The following NPFFR1 variants were observed in gnomAD, a reference collection of about 807,000 sequenced individuals.
The protein encoded by NPFFR1 is neuropeptide FF receptor 1.
Under a neutral mutation model 12.7 loss-of-function variants are expected in NPFFR1, and 17 were observed. The observed-to-expected ratio is 1.34, with a 90% confidence interval of 0.92 to 2.01. The LOEUF (loss-of-function observed/expected upper bound fraction) is 2.01, where lower values mean the gene tolerates loss of function less well. Among genes scored for constraint, NPFFR1 ranks in the 30% most tolerant of loss-of-function variants. NPFFR1 has a pLI of 0.00. For missense variants in NPFFR1, 604 were observed against 606.5 expected (o/e 1.00, Z 0.04); for synonymous variants, 296 against 264.5 (o/e 1.12, Z -1.16).
In NPFFR1 at chr10:70,255,606, A is replaced by T. The variant is rs2136790875; in HGVS notation, c.644T>A (p.Val215Asp). The T allele has an allele frequency of 1.3e-6, 2 of 1,561,100 alleles. No individual in the cohort carries two copies. Among genetic ancestry groups the T allele is most frequent in the South Asian group, 2.4e-5 (2 of 84,668 alleles). ...EAWPEKGMRR[V>D]YTTVLFSHIY... ...GTGCGAGAAGAGCACAGTGGTGTAG[A>T]CCCTGCGCATGCCCTTCTCGGGCCA... Residue 215 changes from valine (V) to aspartate (D), a missense_variant, in exon 4 of 4, where the codon GTC (valine) becomes GAC (aspartate). Val to Asp is a radical substitution (Grantham distance 152). Coordinates refer to ENST00000277942, the MANE Select transcript of NPFFR1 (RefSeq NM_022146.5). This position sits in a 1 kb window ranked among gnomAD's most constrained non-coding sequence, Gnocchi z 4.2.
In NPFFR1 at chr10:70,255,203, G is replaced by A; in HGVS notation, c.1047C>T (p.Cys349=). ...CCTTGTGGCTCCCCGACGGGCGCGG[G>A]CAGAGGCGGGCGCGGAAGGCGGCCT... ...GFQAAFRARL[C]PRPSGSHKEA... Residue 349 remains cysteine (C), a synonymous_variant, in exon 4 of 4, where the codon TGC becomes TGT. Transcript: ENST00000277942. This position sits in a 1 kb window ranked among gnomAD's most constrained non-coding sequence, Gnocchi z 4.2. 1 of 1,547,904 alleles carries A rather than the reference G, an allele frequency of 6.5e-7. No homozygotes were observed. The highest frequency in any genetic ancestry group is 8.7e-7 in the Non-Finnish European group (1 of 1,149,984).
rs187058458 is a variant in NPFFR1 at position 70,281,068 on chromosome 10, C to A, written c.7+2602G>T. ...AAAAGAGAGAGTAAACCTGACAGAA[C>A]CCTCACATCCAGAGATAACCCCTAT... On this transcript the variant is annotated intron_variant, in intron 1 of 3. Transcript: ENST00000277942. 6.6e-5 allele frequency among the ~76,000 whole-genome samples: 10 copies of A among 152,350 alleles called. No homozygotes were observed. The East Asian group carries it at 1.9e-3, about 29-fold the overall frequency.
chr10:70,274,398 G>A (rs1234284886), intron 1 of NPFFR1, among the ~76,000 whole-genome samples: 1 of 151,614 alleles, frequency 6.6e-6, no homozygotes, highest in African/African-American at 2.4e-5. Flanking sequence ...GCAATGAGCT[G>A]AGATCGCACC....
intron 2 of NPFFR1, among the ~76,000 whole-genome samples, chr10:70,263,343 G>A (rs1239879053): frequency 2.6e-5 from 4 of 152,046 alleles, no homozygotes; most frequent in Non-Finnish European, 4.4e-5. Context: ...GCGTGATCTC[G>A]CTCATTGCAA....
Position 70,255,825 on chromosome 10 carries a change from A to C in NPFFR1, c.425T>G (p.Phe142Cys). The C allele has an allele frequency of 6.2e-7, 1 of 1,604,908 alleles. No individual in the cohort carries two copies. Among genetic ancestry groups the C allele is most frequent in the South Asian group, 1.1e-5 (1 of 89,432 alleles). The change falls in exon 4 of 4, where the codon TTC becomes TGC. Residue 142 changes from phenylalanine (F) to cysteine (C), a missense_variant and splice_region_variant. Coordinates refer to ENST00000277942, the MANE Select transcript of NPFFR1 (RefSeq NM_022146.5). This position sits in a 1 kb window ranked among gnomAD's most constrained non-coding sequence, Gnocchi z 4.2. ...FTLVAIAVERFRCIVHPFREK... is the reference protein window; with the variant it reads ...FTLVAIAVERCRCIVHPFREK... ...GCGGAAAGGGTGCACGATGCAGCGG[A>C]ACCTGCCGCGGGGAGAGAGACAGGC...
At chr10:70,268,527 T>C (rs1840719299) in intron 1 of NPFFR1, among the ~76,000 whole-genome samples, 1 of 152,214 alleles carries the variant, frequency 6.6e-6, no homozygotes, top group African/African-American at 2.4e-5. Flanking sequence ...CTGGTCTCTC[T>C]TGGGACTCTC....
Position 70,283,906 on chromosome 10 carries a change from G to T in NPFFR1, c.-230C>A, listed in dbSNP as rs1589918492. 2.6e-5 allele frequency among the ~76,000 whole-genome samples: 4 copies of T among 152,168 alleles called. No homozygotes were observed. The East Asian group carries it at 7.7e-4, about 29-fold the overall frequency. On this transcript the variant is annotated 5_prime_UTR_variant, in exon 1 of 4. Coordinates refer to ENST00000277942, the MANE Select transcript of NPFFR1 (RefSeq NM_022146.5). ...TCGGGCTGACTGGCTCCCGCGCAGC[G>T]CTGCTGCCCGCAGGGCTCAGCCGCC...
At position 70,255,958 on chromosome 10, in the gene NPFFR1, G is replaced by A; in HGVS notation, c.423-131C>T. The A allele has an allele frequency of 1.1e-6, 1 of 938,224 alleles. No individual in the cohort carries two copies. The highest frequency in any genetic ancestry group is 1.7e-5 in the African/African-American group (1 of 60,104). The allele number at this position is 938,224 out of a possible 1,614,324, so 58.1% of individuals were successfully genotyped here. A position where few individuals can be genotyped will look rare whatever the true frequency, so the allele number is the denominator to read the frequency against. ...CGGCGTCGAAGAACAGCTCAGACCT[G>A]AATTGGCTGAGTAGTCAAAGAACAA... On this transcript the variant is annotated intron_variant, in intron 3 of 3. Transcript: ENST00000277942. The surrounding 1 kb of genome is among the most constrained non-coding windows in gnomAD (Gnocchi z 4.2).
At chr10:70,266,668 T>G (rs1013917412) in intron 1 of NPFFR1, among the ~76,000 whole-genome samples, 1 of 152,220 alleles carries the variant, frequency 6.6e-6, no homozygotes, top group African/African-American at 2.4e-5. Flanking sequence ...AGGTTCCAAC[T>G]TTCTTGGCCC....
At chr10:70,277,013 T>A (rs919396136) in intron 1 of NPFFR1, among the ~76,000 whole-genome samples, 1 of 152,154 alleles carries the variant, frequency 6.6e-6, no homozygotes, top group Admixed American at 6.5e-5. Flanking sequence ...AGCCCAGAGT[T>A]TTTACAGTAG....
At position 70,247,615 on chromosome 10, in the gene NPFFR1, A is replaced by C. The variant is rs992890538; in HGVS notation, c.*7342T>G. 1.3e-5 allele frequency: 2 copies of C among 152,208 alleles called. No individual in the cohort carries two copies. Among genetic ancestry groups the C allele is most frequent in the Non-Finnish European group, 2.9e-5 (2 of 68,032 alleles). 9.4% of individuals were successfully genotyped at this position (152,208 alleles called of 1,614,324 possible). On this transcript the variant is annotated 3_prime_UTR_variant, in exon 4 of 4. Transcript: ENST00000277942. ...ACAGGGTGGTGATGGGGGGAGAGTG[A>C]TTACTCCTCAAACAGAGAGTGATTT...
chr10:70,271,766 A>C (rs1840744098), intron 1 of NPFFR1, among the ~76,000 whole-genome samples: 2 of 152,160 alleles, frequency 1.3e-5, no homozygotes, highest in Non-Finnish European at 1.5e-5. Context: ...GTTCTGAGCC[A>C]CACAATGGAT....
intron 1 of NPFFR1, among the ~76,000 whole-genome samples, chr10:70,273,022 T>G (rs1017036958): frequency 9.2e-5 from 14 of 152,252 alleles, no homozygotes; most frequent in African/African-American, 2.9e-4. Context: ...GATTTTTATT[T>G]TCGGTTTTTC....
chr10:70,272,205 A>AAGGAG (rs1306542993), intron 1 of NPFFR1, among the ~76,000 whole-genome samples: 3 of 122,462 alleles, frequency 2.4e-5, no homozygotes, highest in African/African-American at 9.5e-5. Flanking sequence ...GAAAGAAAGA[A>AAGGAG]AGAAAGGAAA....
Position 70,255,507 on chromosome 10 carries a change from C to G in NPFFR1, c.743G>C (p.Gly248Ala), listed in dbSNP as rs369919641. 12 of 1,547,782 alleles carry G rather than the reference C, an allele frequency of 7.8e-6. No homozygotes were observed. Among genetic ancestry groups the G allele is most frequent in the Non-Finnish European group, 1.0e-5 (12 of 1,145,462 alleles). ...RIARKLCQAP[G>A]PAPGGEEAAD... ...AGCCTCCTCGCCCCCGGGGGCCGGG[C>G]CCGGGGCCTGGCAGAGCTTGCGCGC... The change falls in exon 4 of 4, where the codon GGC (glycine) becomes GCC (alanine). Residue 248 changes from glycine to alanine, a missense_variant. Coordinates refer to ENST00000277942, the MANE Select transcript of NPFFR1 (RefSeq NM_022146.5). This position sits in a 1 kb window ranked among gnomAD's most constrained non-coding sequence, Gnocchi z 4.2.
rs1840473811 is a variant in NPFFR1 at position 70,248,468 on chromosome 10, T to TTTTG, written c.*6488_*6489insCAAA. 1 of 24,114 alleles carries TTTTG rather than the reference T, an allele frequency of 4.1e-5. No individual in the cohort carries two copies. Among genetic ancestry groups the TTTTG allele is most frequent in the African/African-American group, 6.5e-5 (1 of 15,472 alleles). 1.5% of individuals were successfully genotyped at this position (24,114 alleles called of 1,614,324 possible). A position where few individuals can be genotyped will look rare whatever the true frequency, so the allele number is the denominator to read the frequency against. ...AAAGTACGTAGTACTATGCCTGGCG[T>TTTTG]TTTTTTTTTGTTTTTTGTTTTTTTT... is the stretch of plus-strand genomic sequence containing the variant. On this transcript the variant is annotated 3_prime_UTR_variant, in exon 4 of 4. Coordinates refer to ENST00000277942, the MANE Select transcript of NPFFR1 (RefSeq NM_022146.5).
chr10:70,273,879 C>G (rs981319443), intron 1 of NPFFR1, among the ~76,000 whole-genome samples: 4 of 152,136 alleles, frequency 2.6e-5, no homozygotes, highest in Admixed American at 1.3e-4. Flanking sequence ...ATCCATGGAC[C>G]TCCTGGGAGT....
chr10:70,253,519 A>C lies in NPFFR1; in HGVS notation c.*1438T>G, dbSNP rs1438032703. On this transcript the variant is annotated 3_prime_UTR_variant, in exon 4 of 4. Coordinates refer to ENST00000277942, the MANE Select transcript of NPFFR1 (RefSeq NM_022146.5). ...ATCTCCTTCAACCTCATTACTATGG[A>C]TTAAATGAGACGGTGTCTGGGGACA... 2.0e-5 allele frequency: 3 copies of C among 152,178 alleles called. No individual in the cohort carries two copies. The highest frequency in any genetic ancestry group is 2.9e-5 in the Non-Finnish European group (2 of 68,032). 9.4% of individuals were successfully genotyped at this position (152,178 alleles called of 1,614,324 possible).
chr10:70,248,959 A>C lies in NPFFR1; in HGVS notation c.*5998T>G, dbSNP rs1840482565. The C allele has an allele frequency of 6.6e-6, 1 of 152,234 alleles. No individual in the cohort carries two copies. The highest frequency in any genetic ancestry group is 1.5e-5 in the Non-Finnish European group (1 of 68,092). The allele number at this position is 152,234 out of a possible 1,614,324, so 9.4% of individuals were successfully genotyped here. On this transcript the variant is annotated 3_prime_UTR_variant, in exon 4 of 4. Coordinates refer to ENST00000277942, the MANE Select transcript of NPFFR1 (RefSeq NM_022146.5). Reference sequence around the variant, plus strand: ...GTCTGGGTTTGTTTCTTCCCCAGCTAGTCACATGGCTCCCTCTCTCACTTC... The same window carrying C: ...GTCTGGGTTTGTTTCTTCCCCAGCTCGTCACATGGCTCCCTCTCTCACTTC...
Sources: gnomAD v4.1 joint callset for allele counts (sites outside exome capture counted in the v4.1 genomes callset) on GRCh38, gnomAD v4.1.1 for gene constraint, Gnocchi (gnomAD v3.1) non-coding constraint, MANE v1.5 for transcripts, NCBI Gene and HGNC (gene_info 2026-07-23, HGNC 2026-07-21) for gene names.